FOXN3: variants seen among roughly 807,000 people sequenced by gnomAD.
FOXN3 encodes forkhead box N3, also known as forkhead box protein N3.
A neutral mutation model predicts 38.4 loss-of-function variants in FOXN3; 7 were observed. That is an observed-to-expected ratio of 0.18 (90% CI 0.10 to 0.34). The LOEUF (loss-of-function observed/expected upper bound fraction) is 0.34. Ranked by LOEUF, FOXN3 falls within the 10% of genes least tolerant of loss-of-function variation. The pLI is 1.00. For synonymous variants in FOXN3, 230 were observed against 242.2 expected (o/e 0.95, Z 0.47); for missense variants, 456 against 613.4 (o/e 0.74, Z 2.71).
At chr14:89,285,409 C>T (rs1260742824) in intron 3 of FOXN3, among the ~76,000 whole-genome samples, 1 of 151,940 alleles carries the variant, frequency 6.6e-6, no homozygotes, top group Non-Finnish European at 1.5e-5. Flanking sequence ...ATCCCAGCTA[C>T]TCAGGAGGCT....
At chr14:89,287,174 G>A (rs1210121255) in intron 3 of FOXN3, among the ~76,000 whole-genome samples, 2 of 150,626 alleles carry the variant, frequency 1.3e-5, no homozygotes, top group Non-Finnish European at 2.9e-5. Context: ...TTGTTTTTGA[G>A]ACAGAGTCTT....
At chr14:89,333,747 A>G (rs1384808902) in intron 3 of FOXN3, among the ~76,000 whole-genome samples, 2 of 76,472 alleles carry the variant, frequency 2.6e-5, no homozygotes, top group African/African-American at 1.1e-4. Context: ...CAGAGAGACT[A>G]TTAAAAAAAA....
chr14:89,593,292 T>A (rs1421306126), intron 1 of FOXN3, among the ~76,000 whole-genome samples: 2 of 151,714 alleles, frequency 1.3e-5, no homozygotes, highest in African/African-American at 4.8e-5. Context: ...GAGAGAATCA[T>A]ATAGAGAGAA....
Position 89,161,600 on chromosome 14 carries a change from T to TGTGTGTGTGTGTGTGTGC in FOXN3, c.*813_*814insGCACACACACACACACAC, listed in dbSNP as rs530463007. The TGTGTGTGTGTGTGTGTGC allele has an allele frequency of 6.8e-6, 1 of 147,410 alleles. No individual in the cohort carries two copies. The highest frequency in any genetic ancestry group is 1.5e-5 in the Non-Finnish European group (1 of 66,806). The allele number at this position is 147,410 out of a possible 1,614,324, so 9.1% of individuals were successfully genotyped here. ...GTGTGTGTGTGTGTGTGTGTGTGCG[T>TGTGTGTGTGTGTGTGTGC]GCGTGCACAGGGCCAATCTTCAGGC... On this transcript the variant is annotated 3_prime_UTR_variant, in exon 6 of 6. Transcript: ENST00000557258.
intron 3 of FOXN3, among the ~76,000 whole-genome samples, chr14:89,347,227 G>C (rs74631321): frequency 8.5e-5 from 13 of 152,132 alleles, no homozygotes; most frequent in Non-Finnish European, 1.3e-4. Flanking sequence ...GAATTATTAC[G>C]GGAGAAAGAT....
At chr14:89,586,169 C>T (rs1195533559) in intron 1 of FOXN3, among the ~76,000 whole-genome samples, 1 of 151,970 alleles carries the variant, frequency 6.6e-6, no homozygotes, top group African/African-American at 2.4e-5. Context: ...GCCTGGCATA[C>T]CGGATCAAAA....
At chr14:89,499,709 A>AT (rs1173370242) in intron 1 of FOXN3, among the ~76,000 whole-genome samples, 1 of 152,094 alleles carries the variant, frequency 6.6e-6, no homozygotes, top group African/African-American at 2.4e-5. Flanking sequence ...TGTAATTTTC[A>AT]TTTTTTTGCT....
At chr14:89,289,744 T>A (rs1886805686) in intron 3 of FOXN3, among the ~76,000 whole-genome samples, 1 of 152,212 alleles carries the variant, frequency 6.6e-6, no homozygotes, top group Admixed American at 6.5e-5. Flanking sequence ...ATATCCACAC[T>A]GCCAAAGGTG....
chr14:89,299,047 C>T (rs1887138000), intron 3 of FOXN3, among the ~76,000 whole-genome samples: 3 of 147,706 alleles, frequency 2.0e-5, no homozygotes, highest in Non-Finnish European at 1.5e-5. Flanking sequence ...CCTGGAAAAA[C>T]TATAGATCCT....
chr14:89,336,256 A>G (rs11627078), intron 3 of FOXN3, among the ~76,000 whole-genome samples: 27,016 of 151,140 alleles, frequency 0.18, 2,821 homozygotes, highest in South Asian at 0.3. Context: ...CCATTCATCC[A>G]TCCACACAGA....
At chr14:89,498,832 G>C (rs1466563581) in intron 1 of FOXN3, among the ~76,000 whole-genome samples, 5 of 151,656 alleles carry the variant, frequency 3.3e-5, no homozygotes, top group African/African-American at 1.2e-4. Flanking sequence ...ACAGAGGGTG[G>C]GGGGAACTGG....
intron 4 of FOXN3, among the ~76,000 whole-genome samples, chr14:89,263,370 A>C (rs1243519506): frequency 1.3e-5 from 2 of 152,150 alleles, no homozygotes; most frequent in African/African-American, 4.8e-5. Context: ...AAAAAAAAAA[A>C]CCAACTCATT....
At chr14:89,417,876 C>T (rs960744322), upstream of FOXN3, 9 of 401,042 alleles carry the variant, frequency 2.2e-5, no homozygotes, top group Non-Finnish European at 3.6e-5. Flanking sequence ...CAAGAGGCAC[C>T]GTCCTAAAGG....
chr14:89,316,808 G>C (rs1230296151), intron 3 of FOXN3, among the ~76,000 whole-genome samples: 1 of 151,984 alleles, frequency 6.6e-6, no homozygotes, highest in East Asian at 1.9e-4. Context: ...TAGATTACAG[G>C]GGCCTATCAC....
intron 2 of FOXN3, among the ~76,000 whole-genome samples, chr14:89,370,482 G>A (rs542028225): frequency 2.6e-5 from 4 of 152,348 alleles, no homozygotes; most frequent in Admixed American, 6.5e-5. Context: ...ACAAAGGGCT[G>A]TACCAAAACA....
At chr14:89,568,665 C>G (rs1254834821) in intron 1 of FOXN3, among the ~76,000 whole-genome samples, 2 of 152,224 alleles carry the variant, frequency 1.3e-5, no homozygotes, top group Non-Finnish European at 2.9e-5. Context: ...GCTAATTATA[C>G]AGAAATTCCT....
intron 1 of FOXN3, among the ~76,000 whole-genome samples, chr14:89,433,300 G>A (rs889647435): frequency 1.3e-5 from 2 of 152,254 alleles, no homozygotes; most frequent in South Asian, 4.1e-4. Context: ...TGGCCAATCT[G>A]GTGAAACCCC....
intron 3 of FOXN3, among the ~76,000 whole-genome samples, chr14:89,333,998 A>G (rs867955595): frequency 0.011 from 639 of 58,710 alleles, 23 homozygotes; most frequent in African/African-American, 0.031. Flanking sequence ...ATATATATAT[A>G]TATATATATA....
At chr14:89,205,493 C>G (rs948927773) in intron 4 of FOXN3, among the ~76,000 whole-genome samples, 3 of 152,216 alleles carry the variant, frequency 2.0e-5, no homozygotes, top group African/African-American at 7.2e-5. Context: ...AACCCAAGAC[C>G]CTAGTAGGCA....
Sources: gnomAD v4.1 joint callset for allele counts (sites outside exome capture counted in the v4.1 genomes callset) on GRCh38, gnomAD v4.1.1 for gene constraint, MANE v1.5 for transcripts, NCBI Gene and HGNC (gene_info 2026-07-23, HGNC 2026-07-21) for gene names.